Variants in ANKRD30A observed in about 807,000 individuals in gnomAD.
ANKRD30A encodes the protein ankyrin repeat domain 30A.
ANKRD30A carries 170 observed loss-of-function variants against 166.3 expected under a neutral mutation model. The observed-to-expected ratio is 1.02, with a 90% confidence interval of 0.90 to 1.16. ANKRD30A has a LOEUF of 1.16. Among genes scored for constraint, ANKRD30A ranks in the 50% most tolerant of loss-of-function variants. ANKRD30A has a pLI of 0.00. For missense variants in ANKRD30A, 1,630 were observed against 1,518.0 expected, an observed-to-expected ratio of 1.07 and a Z score of -1.23; for synonymous variants, 564 against 508.9, an observed-to-expected ratio of 1.11 and a Z score of -1.46.
At chr10:37,151,763 G>C (rs541674242) in intron 11 of ANKRD30A, among the ~76,000 whole-genome samples, 94 of 152,168 alleles carry the variant, frequency 6.2e-4, no homozygotes, top group Non-Finnish European at 1.2e-3. Flanking sequence ...GCAAATATAG[G>C]ACATACTGTG....
At position 37,162,803 on chromosome 10, in the gene ANKRD30A, C is replaced by G. The variant is rs367966358; in HGVS notation, c.1957C>G (p.Pro653Ala). The G allele has an allele frequency of 6.2e-7, 1 of 1,613,522 alleles. No individual in the cohort carries two copies. Among genetic ancestry groups the G allele is most frequent in the Non-Finnish European group, 8.5e-7 (1 of 1,179,786 alleles). Residue 653 changes from proline (P) to alanine (A), a missense_variant, in exon 17 of 36, where the codon CCA becomes GCA. Physicochemically the swap from Pro to Ala is conservative, Grantham distance 27. Coordinates refer to ENST00000361713, the MANE Select transcript of ANKRD30A (RefSeq NM_052997.3). ...EPATEMQKSV[P>A]NKALELKNEQ... Reference sequence around the variant, plus strand: ...TGCCACTGAAATGCAAAAGTCTGTCCCAAATAAAGCCTTGGAATTGAAAAA... The same window carrying G: ...TGCCACTGAAATGCAAAAGTCTGTCGCAAATAAAGCCTTGGAATTGAAAAA...
chr10:37,148,778 T>C (rs1016712295), intron 9 of ANKRD30A, among the ~76,000 whole-genome samples: 12 of 152,090 alleles, frequency 7.9e-5, no homozygotes, highest in African/African-American at 2.9e-4. Context: ...ACTAAGAACA[T>C]TGGCTTTATA....
chr10:37,248,000 C>T, the ANKRD30A span: 18 of 338,892 alleles, frequency 5.3e-5, no homozygotes, highest in Non-Finnish European at 1.0e-4. Flanking sequence ...CAAGCCTGCT[C>T]ATGTACCCCT....
rs563747562 is a variant in ANKRD30A, at chr10:37,162,934, T to A, written c.2002+86T>A. The A allele has an allele frequency of 6.2e-5, 94 of 1,504,998 alleles. 1 individual carries two copies. The South Asian group carries it at 9.7e-4, about 16-fold the overall frequency. The allele number at this position is 1,504,998 out of a possible 1,614,324, so 93.2% of individuals were successfully genotyped here. On this transcript the variant is annotated intron_variant, in intron 17 of 35. Transcript: ENST00000361713. ...CTTTCTGTACCCAATGGTTTATTTT[T>A]TTCAACTTTGATGAAAAGATTTGAT...
the ANKRD30A span, among the ~76,000 whole-genome samples, chr10:37,245,918 C>T: frequency 6.6e-6 from 1 of 152,140 alleles, no homozygotes; most frequent in Non-Finnish European, 1.5e-5. Flanking sequence ...CAGTTCTTAG[C>T]CATGTGGATT....
chr10:37,151,723 G>A lies in ANKRD30A; in HGVS notation c.1646-337G>A, dbSNP rs1318941872. 2.0e-5 allele frequency among the ~76,000 whole-genome samples: 3 copies of A among 152,070 alleles called. No individual in the cohort carries two copies. The East Asian group carries it at 5.8e-4, about 29-fold the overall frequency. On this transcript the variant is annotated intron_variant, in intron 11 of 35. Transcript: ENST00000361713. ...ATAAATTTACAAAGAAAAGAGAGAT[G>A]ATAGGTAATTAAAGTTTTCTGAATG...
chr10:37,206,206 G>A (rs529327319), intron 31 of ANKRD30A, among the ~76,000 whole-genome samples: 3 of 152,178 alleles, frequency 2.0e-5, no homozygotes, highest in African/African-American at 7.2e-5. Flanking sequence ...AAGTGGGAGG[G>A]GGGAAGAAGC....
At chr10:37,145,200 G>A (rs1837412749) in intron 8 of ANKRD30A, 144 bp downstream of exon 8, 1 of 621,944 alleles carries the variant, frequency 1.6e-6, no homozygotes, top group South Asian at 2.7e-5. Context: ...TACTTGGCTG[G>A]GCACGGTGAC....
At chr10:37,193,480 A>C (rs1243653471) in intron 27 of ANKRD30A, among the ~76,000 whole-genome samples, 1 of 152,066 alleles carries the variant, frequency 6.6e-6, no homozygotes, top group Non-Finnish European at 1.5e-5. Context: ...ATGTGGTTCT[A>C]CTTTAATGTC....
chr10:37,164,992 G>A (rs1435423284), intron 17 of ANKRD30A, 102 bp from the exon 18 acceptor site: 5 of 1,273,996 alleles, frequency 3.9e-6, no homozygotes, highest in Admixed American at 3.7e-5. Flanking sequence ...GGCCACAGAG[G>A]AAAATCCACA....
At chr10:37,249,177 C>G in the ANKRD30A span, among the ~76,000 whole-genome samples, 3 of 152,180 alleles carry the variant, frequency 2.0e-5, no homozygotes, top group Non-Finnish European at 2.9e-5. Context: ...CCCTTCACAG[C>G]TGCTTTCTTC....
intron 3 of ANKRD30A, among the ~76,000 whole-genome samples, chr10:37,131,171 C>A (rs940139566): frequency 1.1e-4 from 2 of 17,788 alleles, no homozygotes; most frequent in Admixed American, 9.1e-4. Context: ...AATATTATAT[C>A]CTTCTCAGAA....
chr10:37,148,533 G>T (rs1588789878), intron 9 of ANKRD30A, among the ~76,000 whole-genome samples: 1 of 151,854 alleles, frequency 6.6e-6, no homozygotes. Flanking sequence ...CAAGAGAGAA[G>T]GTAGGTAGGT....
intron 18 of ANKRD30A, among the ~76,000 whole-genome samples, 171 bp downstream of exon 18, chr10:37,165,326 T>C (rs1415018072): frequency 6.6e-6 from 1 of 152,232 alleles, no homozygotes; most frequent in African/African-American, 2.4e-5. Flanking sequence ...GATTCCTGCT[T>C]CACAGTGAAA....
At chr10:37,258,007 C>T in the ANKRD30A span, among the ~76,000 whole-genome samples, 1 of 152,088 alleles carries the variant, frequency 6.6e-6, no homozygotes, top group Admixed American at 6.6e-5. Context: ...TGACAAATAC[C>T]TAATGCATGT....
chr10:37,154,846 G>A (rs1445425044), intron 13 of ANKRD30A, among the ~76,000 whole-genome samples: 2 of 152,180 alleles, frequency 1.3e-5, no homozygotes, highest in East Asian at 1.9e-4. Flanking sequence ...GGAATCATGA[G>A]GATTACTAGA....
intron 24 of ANKRD30A, among the ~76,000 whole-genome samples, chr10:37,178,243 G>T (rs149934848): frequency 0.02 from 2,897 of 147,882 alleles, 173 homozygotes; most frequent in African/African-American, 0.062. Context: ...CTTTCTCACT[G>T]GTGGGAAGCC....
At chr10:37,241,532 C>A in the ANKRD30A span, among the ~76,000 whole-genome samples, 1 of 151,880 alleles carries the variant, frequency 6.6e-6, no homozygotes, top group African/African-American at 2.4e-5. Context: ...TTTACATACT[C>A]AAATGATTCA....
At chr10:37,172,533 T>G (rs1411172358) in intron 21 of ANKRD30A, among the ~76,000 whole-genome samples, 1 of 145,982 alleles carries the variant, frequency 6.9e-6, no homozygotes, top group Non-Finnish European at 1.5e-5. Flanking sequence ...TAGAGGTTTT[T>G]TTTTAATTTC....
Sources: allele counts gnomAD v4.1 joint callset (sites outside exome capture counted in the v4.1 genomes callset), GRCh38; gene constraint gnomAD v4.1.1; transcripts MANE v1.5; gene names NCBI Gene and HGNC (gene_info 2026-07-23, HGNC 2026-07-21).